MYO1D: variants seen among roughly 807,000 people sequenced by gnomAD.
MYO1D encodes the protein myosin ID, also known as unconventional myosin-Id.
In MYO1D, 83 loss-of-function variants were observed where a neutral mutation model predicts 122.0. That is an observed-to-expected ratio of 0.68 (90% CI 0.57 to 0.82). The LOEUF is 0.82. Among genes scored for constraint, MYO1D ranks in the 40% least tolerant of loss-of-function variants. The pLI, the probability that MYO1D is intolerant of heterozygous loss-of-function variation, is 0.00. For synonymous variants in MYO1D, 464 were observed against 446.9 expected, an observed-to-expected ratio of 1.04 and a Z score of -0.48; for missense variants, 1,157 against 1,269.5, an observed-to-expected ratio of 0.91 and a Z score of 1.35.
intron 21 of MYO1D, chr17:32,505,744 C>T (rs1263665386): frequency 1.3e-5 from 2 of 152,264 alleles, no homozygotes; most frequent in East Asian, 1.9e-4. Flanking sequence ...CACTGCAGCT[C>T]ACCAAAGGCA....
chr17:32,756,696 G>A (rs1567626217), intron 10 of MYO1D, among the ~76,000 whole-genome samples: 1 of 151,668 alleles, frequency 6.6e-6, no homozygotes, highest in Non-Finnish European at 1.5e-5. Context: ...TGAACAATTT[G>A]AAAAAATTCA....
chr17:32,793,815 C>T (rs1053765018), intron 1 of MYO1D, among the ~76,000 whole-genome samples: 4 of 152,208 alleles, frequency 2.6e-5, no homozygotes, highest in African/African-American at 9.6e-5. Context: ...AGCTGTTTAA[C>T]CTCCCTGTGC....
At chr17:32,807,918 A>G (rs1357066028) in intron 1 of MYO1D, among the ~76,000 whole-genome samples, 1 of 152,166 alleles carries the variant, frequency 6.6e-6, no homozygotes, top group Admixed American at 6.6e-5. Context: ...CATTTTCCTA[A>G]ATAACAGCAT....
At chr17:32,721,358 G>A (rs2089508708) in intron 14 of MYO1D, among the ~76,000 whole-genome samples, 169 bp from the exon 15 acceptor site, 1 of 152,114 alleles carries the variant, frequency 6.6e-6, no homozygotes, top group Non-Finnish European at 1.5e-5. Flanking sequence ...TTCAATTCAA[G>A]GTTAGAAGTT....
chr17:32,855,753 T>C (rs927945776), intron 1 of MYO1D, among the ~76,000 whole-genome samples: 4 of 152,212 alleles, frequency 2.6e-5, no homozygotes, highest in African/African-American at 4.8e-5. Flanking sequence ...AATAGGTCTG[T>C]AGAAGCCAAA....
chr17:32,643,653 G>T (rs1450729603), intron 19 of MYO1D, among the ~76,000 whole-genome samples: 3 of 152,172 alleles, frequency 2.0e-5, no homozygotes, highest in Non-Finnish European at 4.4e-5. Context: ...TCTTGGGAGG[G>T]TGTATGTGTC....
At chr17:32,729,855 G>C (rs2089616726) in intron 14 of MYO1D, among the ~76,000 whole-genome samples, 1 of 152,174 alleles carries the variant, frequency 6.6e-6, no homozygotes, top group African/African-American at 2.4e-5. Context: ...AGCTACTACA[G>C]GCCCTGAAAT....
intron 16 of MYO1D, among the ~76,000 whole-genome samples, chr17:32,678,808 G>T (rs1035441169): frequency 1.3e-5 from 2 of 150,730 alleles, no homozygotes; most frequent in Non-Finnish European, 2.9e-5. Flanking sequence ...GGTATTTCTA[G>T]TTCTAGATCC....
intron 21 of MYO1D, among the ~76,000 whole-genome samples, chr17:32,567,911 A>G (rs2087187684): frequency 6.6e-6 from 1 of 152,158 alleles, no homozygotes; most frequent in African/African-American, 2.4e-5. Context: ...CTACACCCCA[A>G]TCCATCTCAG....
intron 21 of MYO1D, among the ~76,000 whole-genome samples, chr17:32,546,908 C>T (rs527236399): frequency 1.1e-3 from 130 of 123,158 alleles, no homozygotes; most frequent in African/African-American, 3.4e-3. Flanking sequence ...AAAATAAGAA[C>T]CTTTTTTTTT....
At chr17:32,683,855 G>C (rs1351355269) in intron 16 of MYO1D, among the ~76,000 whole-genome samples, 3 of 151,820 alleles carry the variant, frequency 2.0e-5, no homozygotes, top group Non-Finnish European at 4.4e-5. Context: ...CCTCGTTGCC[G>C]CCTTGCAGTT....
intron 21 of MYO1D, among the ~76,000 whole-genome samples, chr17:32,584,387 G>A (rs114907535): frequency 0.022 from 3,374 of 152,112 alleles, 127 homozygotes; most frequent in African/African-American, 0.077. Flanking sequence ...TTTCTATGAT[G>A]CTGGCCAACC....
At chr17:32,611,896 A>G (rs567128330) in intron 20 of MYO1D, among the ~76,000 whole-genome samples, 1 of 152,350 alleles carries the variant, frequency 6.6e-6, no homozygotes, top group East Asian at 1.9e-4. Flanking sequence ...AGATAAGTAA[A>G]TCCATTTTAT....
chr17:32,722,401 C>T (rs1484082987), intron 14 of MYO1D, among the ~76,000 whole-genome samples: 1 of 152,164 alleles, frequency 6.6e-6, no homozygotes, highest in Non-Finnish European at 1.5e-5. Flanking sequence ...TTTTTGGGAG[C>T]TCCAGAAGAA....
chr17:32,668,184 T>C (rs938122351), intron 16 of MYO1D, among the ~76,000 whole-genome samples: 2 of 152,208 alleles, frequency 1.3e-5, no homozygotes, highest in Non-Finnish European at 2.9e-5. Context: ...CTATCTAAAC[T>C]GCATTTTGAT....
intron 21 of MYO1D, among the ~76,000 whole-genome samples, chr17:32,506,374 T>A (rs953432005): frequency 3.3e-5 from 5 of 152,148 alleles, no homozygotes; most frequent in African/African-American, 4.8e-5. Flanking sequence ...CAAAGGTCCA[T>A]GTCTCATTTG....
At chr17:32,518,727 A>G (rs1456015697) in intron 21 of MYO1D, 1 of 152,382 alleles carries the variant, frequency 6.6e-6, no homozygotes, top group Non-Finnish European at 1.5e-5. Flanking sequence ...TTGCTCCAGG[A>G]CAAAGAGGGT....
intron 13 of MYO1D, among the ~76,000 whole-genome samples, chr17:32,740,553 ACTGCAGCCTCGAC>A (rs1804128951): frequency 6.6e-6 from 1 of 152,180 alleles, no homozygotes; most frequent in African/African-American, 2.4e-5. Flanking sequence ...ATGATAGCTC[ACTGCAGCCTCGAC>A]CTTCCAGGCT....
intron 16 of MYO1D, among the ~76,000 whole-genome samples, chr17:32,676,351 AT>A (rs376940405): frequency 0.15 from 20,377 of 132,300 alleles, 1,466 homozygotes; most frequent in Middle Eastern, 0.26. Flanking sequence ...TTGTTTCTCT[AT>A]TTTTTTTTTT....
Sources: gnomAD v4.1 joint callset for allele counts (sites outside exome capture counted in the v4.1 genomes callset) on GRCh38, gnomAD v4.1.1 for gene constraint, MANE v1.5 for transcripts, NCBI Gene and HGNC (gene_info 2026-07-23, HGNC 2026-07-21) for gene names.